CADM2: variants seen among roughly 807,000 people sequenced by gnomAD.
CADM2 encodes the protein cell adhesion molecule 2.
In CADM2, 12 loss-of-function variants were observed where a neutral mutation model predicts 49.8. The ratio of observed to expected loss-of-function variants is 0.24; its 90% confidence interval spans 0.15 to 0.39. The LOEUF (loss-of-function observed/expected upper bound fraction) is 0.39, where lower values mean the gene tolerates loss of function less well. CADM2 is among the 10% of genes least tolerant of loss of function. The pLI, the probability that CADM2 is intolerant of heterozygous loss-of-function variation, is 1.00. For missense variants in CADM2, 378 were observed against 492.3 expected (o/e 0.77, Z 2.20); for synonymous variants, 214 against 175.4 (o/e 1.22, Z -1.74).
At chr3:85,637,615 A>AT (rs56934959) in intron 1 of CADM2, among the ~76,000 whole-genome samples, 32,223 of 125,114 alleles carry the variant, frequency 0.26, 6,093 homozygotes, top group African/African-American at 0.4. Flanking sequence ...TCTCAAAAAA[A>AT]AAAAAAAAAA....
At chr3:85,779,268 C>T (rs896066407) in intron 2 of CADM2, among the ~76,000 whole-genome samples, 2 of 151,906 alleles carry the variant, frequency 1.3e-5, no homozygotes, top group African/African-American at 4.8e-5. Flanking sequence ...TTTTACACAA[C>T]TTTATATTTG....
intron 1 of CADM2, among the ~76,000 whole-genome samples, chr3:85,340,874 C>A (rs1276691265): frequency 6.6e-6 from 1 of 151,476 alleles, no homozygotes; most frequent in African/African-American, 2.4e-5. Context: ...GTTTTATTTG[C>A]TGTTACTGAT....
chr3:85,815,489 A>G (rs1577380796), intron 3 of CADM2, among the ~76,000 whole-genome samples: 1 of 151,926 alleles, frequency 6.6e-6, no homozygotes, highest in Non-Finnish European at 1.5e-5. Context: ...AACCCAAGAC[A>G]AAAACCACAT....
rs550200401 is a variant in CADM2 at position 85,564,031 on chromosome 3, C to T, written c.62-162491C>T. Among the ~76,000 whole-genome samples, 37 of 152,140 alleles carry T rather than the reference C, an allele frequency of 2.4e-4. No individual in the cohort carries two copies. In the South Asian group the frequency reaches 3.7e-3, roughly 15 times the overall value. On this transcript the variant is annotated intron_variant, in intron 1 of 9. Coordinates refer to ENST00000383699, the MANE Select transcript of CADM2 (RefSeq NM_001167675.2). ...TAAGAATTTTAATTGTTTGTTTTGC[C>T]TTTCCAATAAGATCTTAAATAATTT... is the stretch of plus-strand genomic sequence containing the variant.
intron 2 of CADM2, among the ~76,000 whole-genome samples, chr3:85,770,592 T>C (rs1239320865): frequency 6.6e-6 from 1 of 152,124 alleles, no homozygotes; most frequent in African/African-American, 2.4e-5. Flanking sequence ...GTGCCAAATA[T>C]CCAAATGCAA....
In CADM2 at chr3:85,161,699, A is replaced by G. The variant is rs530504199; in HGVS notation, c.61+202031A>G. On this transcript the variant is annotated intron_variant, in intron 1 of 9. Coordinates refer to ENST00000383699, the MANE Select transcript of CADM2 (RefSeq NM_001167675.2). ...ATAGGAAGGTGGATAGGTGTGTATT[A>G]CTCAGAATGTTGAGTAAAATACAAT... Among the ~76,000 whole-genome samples, 4 of 152,274 alleles carry G rather than the reference A, an allele frequency of 2.6e-5. No individual in the cohort carries two copies. In the South Asian group the frequency reaches 8.3e-4, roughly 32 times the overall value.
intron 8 of CADM2, among the ~76,000 whole-genome samples, chr3:85,971,768 A>G (rs1726174284): frequency 6.6e-6 from 1 of 151,652 alleles, no homozygotes; most frequent in Non-Finnish European, 1.5e-5. Flanking sequence ...TTGGAATGTA[A>G]AAAAGTATTA....
At chr3:85,693,065 A>G (rs1037536952) in intron 1 of CADM2, among the ~76,000 whole-genome samples, 1 of 151,942 alleles carries the variant, frequency 6.6e-6, no homozygotes, top group African/African-American at 2.4e-5. Context: ...CCTAGCCAAC[A>G]TGGTGAAACT....
At chr3:85,854,195 T>A (rs887507797) in intron 3 of CADM2, among the ~76,000 whole-genome samples, 3 of 152,232 alleles carry the variant, frequency 2.0e-5, no homozygotes, top group African/African-American at 7.2e-5. Context: ...ATTCTTTCAC[T>A]GTATTCCACA....
chr3:85,228,064 C>A (rs1327948958), intron 1 of CADM2, among the ~76,000 whole-genome samples: 1 of 152,080 alleles, frequency 6.6e-6, no homozygotes, highest in African/African-American at 2.4e-5. Flanking sequence ...ACATTTTTTC[C>A]TTCATTTCAA....
At chr3:85,355,892 C>A (rs188029323) in intron 1 of CADM2, among the ~76,000 whole-genome samples, 1 of 151,936 alleles carries the variant, frequency 6.6e-6, no homozygotes, top group Admixed American at 6.6e-5. Flanking sequence ...CTGCTGCACA[C>A]GTTTCATGTT....
intron 1 of CADM2, among the ~76,000 whole-genome samples, chr3:85,055,497 A>G (rs1196848124): frequency 6.6e-6 from 1 of 152,054 alleles, no homozygotes; most frequent in Non-Finnish European, 1.5e-5. Flanking sequence ...AAAAACTTGC[A>G]TGCACTAAGT....
At chr3:85,419,166 G>T (rs2036049085) in intron 1 of CADM2, among the ~76,000 whole-genome samples, 2 of 151,984 alleles carry the variant, frequency 1.3e-5, no homozygotes, top group Non-Finnish European at 2.9e-5. Flanking sequence ...AATAAAACAT[G>T]CAGTGAGGGC....
At chr3:85,868,665 T>A (rs1246567363) in intron 3 of CADM2, among the ~76,000 whole-genome samples, 1 of 152,178 alleles carries the variant, frequency 6.6e-6, no homozygotes, top group East Asian at 1.9e-4. Flanking sequence ...CAAGTGACTT[T>A]TAGCCACAGA....
At chr3:85,249,161 A>G (rs565725404) in intron 1 of CADM2, among the ~76,000 whole-genome samples, 1 of 152,122 alleles carries the variant, frequency 6.6e-6, no homozygotes, top group African/African-American at 2.4e-5. Flanking sequence ...GCAACCTAAT[A>G]TTTTCATTTG....
At chr3:85,425,123 A>G (rs2036343390) in intron 1 of CADM2, among the ~76,000 whole-genome samples, 1 of 152,200 alleles carries the variant, frequency 6.6e-6, no homozygotes, top group South Asian at 2.1e-4. Context: ...TACTCAAAAG[A>G]GTAGTTGGGA....
intron 3 of CADM2, among the ~76,000 whole-genome samples, chr3:85,825,312 A>G (rs552231544): frequency 6.6e-6 from 1 of 152,204 alleles, no homozygotes; most frequent in African/African-American, 2.4e-5. Context: ...AACTAACAAA[A>G]GATGAATAGC....
chr3:85,953,764 G>A (rs1723725384), intron 7 of CADM2, among the ~76,000 whole-genome samples: 1 of 150,598 alleles, frequency 6.6e-6, no homozygotes, highest in South Asian at 2.1e-4. Flanking sequence ...TGTTTTTATA[G>A]ATAATTATTT....
At chr3:85,398,150 T>TC (rs1263639769) in intron 1 of CADM2, among the ~76,000 whole-genome samples, 1 of 150,886 alleles carries the variant, frequency 6.6e-6, no homozygotes, top group Non-Finnish European at 1.5e-5. Flanking sequence ...ATGCTTTCCC[T>TC]CCCCCCTTCC....
Sources: gnomAD v4.1 joint callset for allele counts (sites outside exome capture counted in the v4.1 genomes callset) on GRCh38, gnomAD v4.1.1 for gene constraint, MANE v1.5 for transcripts, NCBI Gene and HGNC (gene_info 2026-07-23, HGNC 2026-07-21) for gene names.